TTC23: variants seen among roughly 807,000 people sequenced by gnomAD.
TTC23 encodes tetratricopeptide repeat protein 23.
In TTC23, 58 loss-of-function variants were observed where a neutral mutation model predicts 55.1. The observed-to-expected ratio is 1.05, with a 90% confidence interval of 0.85 to 1.31. The LOEUF is 1.31. Ranked by LOEUF, TTC23 falls within the 50% of genes most tolerant of loss-of-function variation. TTC23 has a pLI of 0.00. For synonymous variants in TTC23, 203 were observed against 199.9 expected, an observed-to-expected ratio of 1.02 and a Z score of -0.13; for missense variants, 516 against 534.4, an observed-to-expected ratio of 0.97 and a Z score of 0.34.
intron 9 of TTC23, among the ~76,000 whole-genome samples, chr15:99,185,752 G>A (rs577025881): frequency 1.3e-5 from 2 of 152,278 alleles, no homozygotes; most frequent in Admixed American, 6.5e-5. Context: ...CATTTGCATG[G>A]TTTTCTTCCG....
intron 10 of TTC23, among the ~76,000 whole-genome samples, chr15:99,172,438 C>T (rs1176427983): frequency 5.9e-5 from 9 of 152,192 alleles, no homozygotes; most frequent in Non-Finnish European, 1.0e-4. Context: ...CTCTGGGCTG[C>T]CTTCATTCTT....
At chr15:99,182,485 C>T (rs1227326147) in intron 9 of TTC23, among the ~76,000 whole-genome samples, 1 of 152,162 alleles carries the variant, frequency 6.6e-6, no homozygotes, top group East Asian at 1.9e-4. Context: ...CATGTTTCTA[C>T]TGAGTTGTCT....
chr15:99,177,671 C>T (rs2073719781), intron 9 of TTC23, among the ~76,000 whole-genome samples: 1 of 152,166 alleles, frequency 6.6e-6, no homozygotes, highest in South Asian at 2.1e-4. Context: ...GATGCAAAGA[C>T]ATATAGTATT....
At chr15:99,184,405 G>A (rs529833674) in intron 9 of TTC23, among the ~76,000 whole-genome samples, 2 of 152,326 alleles carry the variant, frequency 1.3e-5, no homozygotes, top group African/African-American at 4.8e-5. Context: ...AAGCCACAGG[G>A]GCAGAGCTGC....
intron 9 of TTC23, among the ~76,000 whole-genome samples, chr15:99,185,610 T>C (rs1009116490): frequency 1.3e-5 from 2 of 152,240 alleles, no homozygotes; most frequent in African/African-American, 2.4e-5. Flanking sequence ...AGCACTGTTA[T>C]GGGTGTGTTA....
intron 12 of TTC23, chr15:99,140,699 T>C (rs2068126890): frequency 6.6e-6 from 1 of 152,154 alleles, no homozygotes; most frequent in African/African-American, 2.4e-5. Context: ...TAGGGAAGTA[T>C]TTCTTAGACA....
Position 99,215,873 on chromosome 15 carries a change from A to T in TTC23, c.581+2715T>A, listed in dbSNP as rs113658221. ...TAAAAGAAAGCAAGTAAGGAAAAAG[A>T]AAAGAACAAAAAGTTGGCAGGAGAA... On this transcript the variant is annotated intron_variant, in intron 8 of 13. Transcript: ENST00000394132. 1.6e-3 allele frequency among the ~76,000 whole-genome samples: 251 copies of T among 152,360 alleles called. 3 individuals are homozygous for T. The highest frequency in any genetic ancestry group is 5.6e-3 in the African/African-American group (233 of 41,594).
At chr15:99,149,695 C>G (rs1439408469) in intron 12 of TTC23, among the ~76,000 whole-genome samples, 12 of 152,242 alleles carry the variant, frequency 7.9e-5, no homozygotes, top group Non-Finnish European at 1.5e-5. Flanking sequence ...AGACCACTGG[C>G]TTACTTCTGG....
intron 11 of TTC23, chr15:99,158,984 C>T (rs536035205): frequency 3.9e-5 from 6 of 152,452 alleles, no homozygotes; most frequent in Admixed American, 2.0e-4. Flanking sequence ...ATGGTCCTCT[C>T]CAACATGGGC....
chr15:99,218,802 C>T, intron 7 of TTC23, 89 bp from the exon 8 acceptor site: 1 of 1,598,120 alleles, frequency 6.3e-7, no homozygotes, highest in Non-Finnish European at 8.5e-7. Context: ...TCCAATCACA[C>T]TTCCTAAGTC....
chr15:99,204,505 C>T (rs116490776), intron 8 of TTC23, among the ~76,000 whole-genome samples: 2,854 of 152,034 alleles, frequency 0.019, 87 homozygotes, highest in African/African-American at 0.065. Flanking sequence ...TCCCATTTGT[C>T]CAGTTTTGCT....
intron 8 of TTC23, among the ~76,000 whole-genome samples, chr15:99,205,717 T>C (rs947543134): frequency 6.6e-6 from 1 of 152,146 alleles, no homozygotes; most frequent in Non-Finnish European, 1.5e-5. Flanking sequence ...GTAGAATCTA[T>C]AGGTTTTTCT....
intron 9 of TTC23, among the ~76,000 whole-genome samples, chr15:99,186,576 G>T (rs1054231927): frequency 1.3e-5 from 2 of 151,946 alleles, no homozygotes; most frequent in African/African-American, 4.8e-5. Context: ...AACTTGTGTG[G>T]CAAAAAGCAG....
At chr15:99,210,814 TG>T (rs2076982173) in intron 8 of TTC23, among the ~76,000 whole-genome samples, 1 of 152,176 alleles carries the variant, frequency 6.6e-6, no homozygotes, top group African/African-American at 2.4e-5. Context: ...AAAATTCCAC[TG>T]GGAAGCATTT....
intron 12 of TTC23, chr15:99,139,610 A>C: frequency 6.6e-7 from 1 of 1,524,754 alleles, no homozygotes; most frequent in Non-Finnish European, 8.8e-7. Context: ...GCACTATTTC[A>C]CAAAACTCTC....
Position 99,138,073 on chromosome 15 carries a change from G to T in TTC23, c.1281C>A (p.Phe427Leu). Residue 427 changes from phenylalanine (F) to leucine (L), a missense_variant, in exon 14 of 14, where the codon TTC becomes TTA. Phe to Leu is a conservative substitution (Grantham distance 22). Transcript: ENST00000394132. ...GGGTGTCCTGAGGGATGCTGGTGCAGAAGGCCACTTTGGCTTTTGATGCCT... is the reference window on the plus strand; with the variant it reads ...GGGTGTCCTGAGGGATGCTGGTGCATAAGGCCACTTTGGCTTTTGATGCCT... ...PRQASKAKVA[F>L]CTSIPQDTLL... 6.2e-7 allele frequency: 1 copy of T among 1,613,868 alleles called. No individual in the cohort carries two copies. Among genetic ancestry groups the T allele is most frequent in the Non-Finnish European group, 8.5e-7 (1 of 1,180,022 alleles).
chr15:99,168,342 G>A (rs2072436309), intron 10 of TTC23, among the ~76,000 whole-genome samples: 1 of 152,196 alleles, frequency 6.6e-6, no homozygotes, highest in Admixed American at 6.5e-5. Flanking sequence ...GGATCTGCCT[G>A]CCTTAAGTGT....
intron 3 of TTC23, among the ~76,000 whole-genome samples, chr15:99,235,356 C>T (rs942466393): frequency 3.6e-5 from 3 of 84,206 alleles, no homozygotes; most frequent in African/African-American, 1.8e-4. Flanking sequence ...ACATTTTAAG[C>T]ATTTTTTTTT....
At chr15:99,211,192 T>G (rs186046409) in intron 8 of TTC23, among the ~76,000 whole-genome samples, 127 of 152,198 alleles carry the variant, frequency 8.3e-4, no homozygotes, top group African/African-American at 2.8e-3. Context: ...CTGGTCAACA[T>G]GGTGAAACAC....
Sources: allele counts gnomAD v4.1 joint callset (sites outside exome capture counted in the v4.1 genomes callset), GRCh38; gene constraint gnomAD v4.1.1; transcripts MANE v1.5; gene names NCBI Gene and HGNC (gene_info 2026-07-23, HGNC 2026-07-21).